NKAIN2: variants seen among roughly 807,000 people sequenced by gnomAD.
NKAIN2 encodes the protein sodium/potassium transporting ATPase interacting 2.
A neutral mutation model predicts 32.6 loss-of-function variants in NKAIN2; 14 were observed. The ratio of observed to expected loss-of-function variants is 0.43; its 90% CI spans 0.28 to 0.67. The LOEUF is 0.67. Among genes scored for constraint, NKAIN2 ranks in the 30% least tolerant of loss-of-function variants. NKAIN2 has a pLI of 0.17. For missense variants in NKAIN2, 198 were observed against 258.3 expected (o/e 0.77, Z 1.60); for synonymous variants, 80 against 87.2 (o/e 0.92, Z 0.46).
chr6:124,366,028 G>T (rs1344104552), intron 3 of NKAIN2, among the ~76,000 whole-genome samples: 1 of 151,898 alleles, frequency 6.6e-6, no homozygotes, highest in Admixed American at 6.6e-5. Flanking sequence ...TATTAAAAGA[G>T]TAGAAATCCT....
At chr6:123,839,491 A>G (rs1000873896) in intron 1 of NKAIN2, among the ~76,000 whole-genome samples, 6 of 152,192 alleles carry the variant, frequency 3.9e-5, no homozygotes, top group African/African-American at 1.4e-4. Flanking sequence ...CCTAAACAAC[A>G]CAAAATAAGC....
chr6:124,102,787 C>T (rs550454588), intron 1 of NKAIN2, among the ~76,000 whole-genome samples: 1 of 152,272 alleles, frequency 6.6e-6, no homozygotes, highest in East Asian at 1.9e-4. Flanking sequence ...TTTAAACAAT[C>T]CTTGCTTCAT....
intron 1 of NKAIN2, among the ~76,000 whole-genome samples, chr6:124,158,789 G>A (rs987323160): frequency 6.6e-6 from 1 of 152,206 alleles, no homozygotes; most frequent in Admixed American, 6.5e-5. Flanking sequence ...TTTTCTATTT[G>A]CCAAGTTGTC....
chr6:124,336,837 TA>T (rs1417906842), intron 2 of NKAIN2, among the ~76,000 whole-genome samples: 1 of 151,786 alleles, frequency 6.6e-6, no homozygotes, highest in African/African-American at 2.4e-5. Context: ...CACACCCGGC[TA>T]ATTTTTTGTA....
chr6:124,724,551 G>A (rs1486364479), intron 4 of NKAIN2, among the ~76,000 whole-genome samples: 1 of 152,182 alleles, frequency 6.6e-6, no homozygotes, highest in Non-Finnish European at 1.5e-5. Context: ...ACACAGGTAA[G>A]ATACTCATCT....
chr6:124,348,230 T>A (rs182304911), intron 2 of NKAIN2, among the ~76,000 whole-genome samples: 1 of 152,002 alleles, frequency 6.6e-6, no homozygotes, highest in Admixed American at 6.5e-5. Context: ...CTGTGTGAGG[T>A]GTCAGTCTGC....
intron 1 of NKAIN2, among the ~76,000 whole-genome samples, chr6:124,016,801 A>G (rs1780593729): frequency 6.6e-6 from 1 of 152,180 alleles, no homozygotes; most frequent in African/African-American, 2.4e-5. Flanking sequence ...AAATTAAAAA[A>G]AAATCCAGAG....
At chr6:124,449,968 G>A (rs1776035768) in intron 3 of NKAIN2, among the ~76,000 whole-genome samples, 1 of 152,064 alleles carries the variant, frequency 6.6e-6, no homozygotes, top group Non-Finnish European at 1.5e-5. Flanking sequence ...AAAGAATGAA[G>A]TAATTTTAAT....
At chr6:124,085,631 T>C (rs1784161301) in intron 1 of NKAIN2, among the ~76,000 whole-genome samples, 1 of 151,896 alleles carries the variant, frequency 6.6e-6, no homozygotes, top group African/African-American at 2.4e-5. Flanking sequence ...ATGCAATAAA[T>C]ATTTGTTCAT....
At chr6:124,334,691 TG>T (rs1199383017) in intron 2 of NKAIN2, among the ~76,000 whole-genome samples, 1 of 151,876 alleles carries the variant, frequency 6.6e-6, no homozygotes, top group African/African-American at 2.4e-5. Context: ...TAGAGCAATT[TG>T]GGAGATTAGT....
At chr6:124,378,850 G>A (rs1233394784) in intron 3 of NKAIN2, among the ~76,000 whole-genome samples, 4 of 151,360 alleles carry the variant, frequency 2.6e-5, no homozygotes, top group African/African-American at 9.7e-5. Flanking sequence ...AGTACTTTGG[G>A]AGGCTAAGAC....
chr6:124,809,744 G>A (rs1780790458), intron 5 of NKAIN2, among the ~76,000 whole-genome samples: 4 of 151,658 alleles, frequency 2.6e-5, no homozygotes, highest in African/African-American at 9.7e-5. Context: ...TCTGACAAAG[G>A]GCTAATATCC....
At chr6:124,814,745 C>T (rs1781069139) in intron 5 of NKAIN2, among the ~76,000 whole-genome samples, 1 of 152,072 alleles carries the variant, frequency 6.6e-6, no homozygotes, top group Non-Finnish European at 1.5e-5. Flanking sequence ...CTTTGCTGTC[C>T]ATTTTTGGTC....
chr6:124,287,326 A>C (rs1042702613), intron 2 of NKAIN2, among the ~76,000 whole-genome samples: 1 of 152,146 alleles, frequency 6.6e-6, no homozygotes, highest in African/African-American at 2.4e-5. Context: ...CATTTTATTT[A>C]ATTGATCTTG....
intron 1 of NKAIN2, among the ~76,000 whole-genome samples, chr6:124,012,450 C>G (rs1780381486): frequency 6.6e-6 from 1 of 151,850 alleles, no homozygotes. Context: ...ATTCTCCTGC[C>G]TCAGCCTCCT....
chr6:124,579,983 C>CA lies in NKAIN2; in HGVS notation c.274-78197dup, dbSNP rs535667707. On this transcript the variant is annotated intron_variant, in intron 3 of 6. Coordinates refer to ENST00000368417, the MANE Select transcript of NKAIN2 (RefSeq NM_001040214.3). ...TTTTATCCTAGAATAATATATTCAG[C>CA]AAAAAATATCCTTCAAACACTCAAC... Among the ~76,000 whole-genome samples, 725 of 152,162 alleles carry CA rather than the reference C, an allele frequency of 4.8e-3. 3 individuals carry two copies. Among genetic ancestry groups the CA allele is most frequent in the Admixed American group, 7.1e-3 (108 of 15,284 alleles).
intron 1 of NKAIN2, among the ~76,000 whole-genome samples, chr6:124,271,578 G>T (rs577047672): frequency 6.6e-6 from 1 of 152,170 alleles, no homozygotes; most frequent in Non-Finnish European, 1.5e-5. Flanking sequence ...GTGTGAAAAT[G>T]GACTAATAAA....
At chr6:124,732,060 G>T (rs1004523400) in intron 4 of NKAIN2, among the ~76,000 whole-genome samples, 1 of 151,894 alleles carries the variant, frequency 6.6e-6, no homozygotes, top group African/African-American at 2.4e-5. Flanking sequence ...TAATAGTGCA[G>T]TATCATATGA....
At chr6:124,178,447 G>A (rs922759589) in intron 1 of NKAIN2, among the ~76,000 whole-genome samples, 70 of 151,880 alleles carry the variant, frequency 4.6e-4, no homozygotes, top group East Asian at 1.8e-3. Flanking sequence ...ACAGGCGCCC[G>A]CCACCATGCC....
Sources: allele counts gnomAD v4.1 joint callset (sites outside exome capture counted in the v4.1 genomes callset), GRCh38; gene constraint gnomAD v4.1.1; transcripts MANE v1.5; gene names NCBI Gene and HGNC (gene_info 2026-07-23, HGNC 2026-07-21).